C8orf76: variants seen among roughly 807,000 people sequenced by gnomAD.
C8orf76 encodes the protein chromosome 8 open reading frame 76.
A neutral mutation model predicts 38.1 loss-of-function variants in C8orf76; 46 were observed. The ratio of observed to expected loss-of-function variants is 1.21; its 90% CI spans 0.95 to 1.54. C8orf76 has a LOEUF of 1.54. Among genes scored for constraint, C8orf76 ranks in the 40% most tolerant of loss-of-function variants. The pLI is 0.00. For missense variants in C8orf76, 461 were observed against 441.6 expected, an observed-to-expected ratio of 1.04 and a Z score of -0.39; for synonymous variants, 166 against 167.5, an observed-to-expected ratio of 0.99 and a Z score of 0.07.
intron 3 of C8orf76, among the ~76,000 whole-genome samples, chr8:123,235,541 A>G (rs1380556361): frequency 1.3e-5 from 2 of 152,222 alleles, no homozygotes; most frequent in Non-Finnish European, 2.9e-5. Flanking sequence ...CGCTGAGATC[A>G]TGTGTGAAGC....
intron 3 of C8orf76, among the ~76,000 whole-genome samples, chr8:123,234,927 A>T (rs868824572): frequency 6.6e-6 from 1 of 152,180 alleles, no homozygotes; most frequent in South Asian, 2.1e-4. Flanking sequence ...GCACCACTGC[A>T]CTCCAGCCTG....
chr8:123,222,496 C>G (rs908562942), intron 5 of C8orf76, among the ~76,000 whole-genome samples: 1 of 152,158 alleles, frequency 6.6e-6, no homozygotes, highest in African/African-American at 2.4e-5. Flanking sequence ...TGTCAAAAAT[C>G]TGCCAAAACA....
chr8:123,227,592 C>T (rs1825092062), intron 4 of C8orf76, among the ~76,000 whole-genome samples: 1 of 152,114 alleles, frequency 6.6e-6, no homozygotes, highest in African/African-American at 2.4e-5. Flanking sequence ...TGATGAGGAA[C>T]CAGTGGGAGA....
intron 1 of C8orf76, 65 bp downstream of exon 1, chr8:123,241,165 G>T: frequency 1.4e-6 from 2 of 1,470,502 alleles, no homozygotes; most frequent in South Asian, 1.3e-5. Context: ...CGAGGCCGGG[G>T]CCGGGGCCCC....
Position 123,237,870 on chromosome 8 carries a change from G to A in C8orf76, c.285C>T (p.Val95=). ...CCAGACACCGAGCCTGACCTTCCTG[G>A]ACATCCCTTTTCATGGCAAAATTGG... ...SSTNFAMKRD[V]QEGQARCLAH... The change falls in exon 3 of 6, where the codon GTC becomes GTT. Residue 95 remains valine, a synonymous_variant. Coordinates refer to ENST00000276704, the MANE Select transcript of C8orf76 (RefSeq NM_032847.3). 1 of 1,614,022 alleles carries A rather than the reference G, an allele frequency of 6.2e-7. No homozygotes were observed. The highest frequency in any genetic ancestry group is 8.5e-7 in the Non-Finnish European group (1 of 1,180,000).
At chr8:123,236,652 T>C (rs1825491386) in intron 3 of C8orf76, among the ~76,000 whole-genome samples, 1 of 151,698 alleles carries the variant, frequency 6.6e-6, no homozygotes, top group Non-Finnish European at 1.5e-5. Flanking sequence ...GGCGTGGTGG[T>C]GCATGCCTGT....
chr8:123,226,620 C>T lies in C8orf76; in HGVS notation c.828G>A (p.Gln276=). 1 of 1,595,952 alleles carries T rather than the reference C, an allele frequency of 6.3e-7. No individual in the cohort carries two copies. The highest frequency in any genetic ancestry group is 8.5e-7 in the Non-Finnish European group (1 of 1,175,692). Residue 276 remains glutamine, a synonymous_variant, in exon 5 of 6, where the codon CAG becomes CAA. Coordinates refer to ENST00000276704, the MANE Select transcript of C8orf76 (RefSeq NM_032847.3). ...ASFIRTRLLL[Q]FTQPQQTSFA... Reference sequence around the variant, plus strand: ...ACGATGTTTGCTGAGGTTGGGTAAACTGAAGCAGAAGCCTGAAAAACCGAA... The same window carrying T: ...ACGATGTTTGCTGAGGTTGGGTAAATTGAAGCAGAAGCCTGAAAAACCGAA...
chr8:123,221,722 G>A (rs1231762308), intron 5 of C8orf76, among the ~76,000 whole-genome samples: 2 of 151,842 alleles, frequency 1.3e-5, no homozygotes, highest in Non-Finnish European at 2.9e-5. Flanking sequence ...AGATGTGAAT[G>A]AACCACTGTG....
chr8:123,232,476 GT>G (rs1449241996), intron 3 of C8orf76, among the ~76,000 whole-genome samples: 1 of 152,242 alleles, frequency 6.6e-6, no homozygotes, highest in Non-Finnish European at 1.5e-5. Flanking sequence ...CCTGCTTTTT[GT>G]AAGTTGAAGT....
At chr8:123,237,663 C>A in intron 3 of C8orf76, 135 bp downstream of exon 3, 1 of 1,237,008 alleles carries the variant, frequency 8.1e-7, no homozygotes. Flanking sequence ...ACTCTCACAC[C>A]CCTGACAATT....
At chr8:123,241,157 A>AGGCCGG (rs1221546560) in intron 1 of C8orf76, 73 bp downstream of exon 1, 19 of 1,428,452 alleles carry the variant, frequency 1.3e-5, no homozygotes, top group African/African-American at 4.6e-5. Flanking sequence ...GGAGGGGCCG[A>AGGCCGG]GGCCGGGGCC....
At chr8:123,236,256 G>A (rs1015941512) in intron 3 of C8orf76, among the ~76,000 whole-genome samples, 3 of 152,128 alleles carry the variant, frequency 2.0e-5, no homozygotes, top group Admixed American at 2.0e-4. Context: ...ATCGCTGGGC[G>A]GTACATCCAC....
chr8:123,230,101 C>A (rs1448837888), intron 4 of C8orf76, among the ~76,000 whole-genome samples: 2 of 152,160 alleles, frequency 1.3e-5, no homozygotes, highest in African/African-American at 4.8e-5. Context: ...CTTGAATCCT[C>A]CTGAGTTAAA....
chr8:123,230,744 G>A (rs1481308681), intron 4 of C8orf76, among the ~76,000 whole-genome samples: 4 of 151,628 alleles, frequency 2.6e-5, no homozygotes, highest in African/African-American at 4.9e-5. Context: ...TCCGCCTCCC[G>A]GGTTCAGCGA....
chr8:123,232,022 C>A (rs1254734449), intron 3 of C8orf76, among the ~76,000 whole-genome samples: 1 of 152,162 alleles, frequency 6.6e-6, no homozygotes, highest in Admixed American at 6.5e-5. Context: ...TGGTGGCCTG[C>A]CAAATGTTCA....
chr8:123,229,385 T>C (rs1825158539), intron 4 of C8orf76, among the ~76,000 whole-genome samples: 1 of 152,318 alleles, frequency 6.6e-6, no homozygotes, highest in Admixed American at 6.5e-5. Flanking sequence ...AATGAAATAA[T>C]GTATACAAAG....
intron 3 of C8orf76, among the ~76,000 whole-genome samples, chr8:123,231,987 T>C (rs1201065081): frequency 1.3e-5 from 2 of 152,202 alleles, no homozygotes; most frequent in Admixed American, 1.3e-4. Flanking sequence ...CATCCTAATG[T>C]CATAATAACT....
intron 1 of C8orf76, 63 bp downstream of exon 1, chr8:123,241,167 C>CGGGGCCCCGCGGAGGGCGAGGCCT: frequency 1.4e-6 from 2 of 1,477,786 alleles, no homozygotes; most frequent in Non-Finnish European, 1.8e-6. Flanking sequence ...AGGCCGGGGC[C>CGGGGCCCCGCGGAGGGCGAGGCCT]GGGGCCCCGC....
intron 4 of C8orf76, among the ~76,000 whole-genome samples, chr8:123,230,609 C>T (rs1825216815): frequency 6.6e-6 from 1 of 151,612 alleles, no homozygotes; most frequent in South Asian, 2.1e-4. Context: ...TCTCAGCCTC[C>T]TGAGTAACTG....
Sources: allele counts gnomAD v4.1 joint callset (sites outside exome capture counted in the v4.1 genomes callset), GRCh38; gene constraint gnomAD v4.1.1; transcripts MANE v1.5; gene names NCBI Gene and HGNC (gene_info 2026-07-23, HGNC 2026-07-21).